The following HMCN2 variants were observed in gnomAD, a reference collection of about 807,000 sequenced individuals.
The protein encoded by HMCN2 is hemicentin-2.
In HMCN2, 325 loss-of-function variants were observed where a neutral mutation model predicts 377.5. The observed-to-expected ratio is 0.86, with a 90% CI of 0.79 to 0.94. The LOEUF (loss-of-function observed/expected upper bound fraction) is 0.94. Among genes scored for constraint, HMCN2 ranks in the 40% least tolerant of loss-of-function variants. The pLI is 0.00. For synonymous variants in HMCN2, 2,007 were observed against 2,046.8 expected (o/e 0.98, Z 0.53); for missense variants, 4,543 against 4,725.3 (o/e 0.96, Z 1.13).
At chr9:130,359,968 G>A (rs73670534) in intron 37 of HMCN2, among the ~76,000 whole-genome samples, 4,131 of 152,240 alleles carry the variant, frequency 0.027, 50 homozygotes, top group Middle Eastern at 0.065. Flanking sequence ...GCAGATACAC[G>A]CGGTCCAGCC....
chr9:130,430,679 GTCAC>G (rs201871995), intron 95 of HMCN2, 75 bp downstream of exon 95: 58,172 of 1,359,214 alleles, frequency 0.043, 1,600 homozygotes, highest in African/African-American at 0.13. Context: ...GTGTGCAGGT[GTCAC>G]CCACCGAGTT....
At chr9:130,334,276 T>C (rs1017724728) in intron 22 of HMCN2, among the ~76,000 whole-genome samples, 3 of 152,110 alleles carry the variant, frequency 2.0e-5, no homozygotes, top group African/African-American at 4.8e-5. Flanking sequence ...GCCATAGTAC[T>C]GTGCTTGGGT....
Position 130,433,550 on chromosome 9 carries a change from C to T in HMCN2, c.15097C>T (p.Pro5033Ser). Reference sequence around the variant, plus strand: ...CCCCCGCAGCCCCTTCGCGCTGCGTCCGCTGCGCGCGGGCCTTGGCGCGGT... The same window carrying T: ...CCCCCGCAGCCCCTTCGCGCTGCGTTCGCTGCGCGCGGGCCTTGGCGCGGT... The part of the protein sequence containing the change: ...PDPRSPFALR[P>S]LRAGLGAVYT... Residue 5033 changes from proline to serine, a missense_variant, in exon 98 of 98, where the codon CCG becomes TCG. Coordinates refer to ENST00000683500, the MANE Select transcript of HMCN2 (RefSeq NM_001291815.2). The T allele has an allele frequency of 6.8e-7, 1 of 1,469,916 alleles. No individual in the cohort carries two copies. The highest frequency in any genetic ancestry group is 2.7e-5 in the Admixed American group (1 of 37,652). The allele number at this position is 1,469,916 out of a possible 1,614,324, so 91.1% of individuals were successfully genotyped here. A position where few individuals can be genotyped will look rare whatever the true frequency, so the allele number is the denominator to read the frequency against.
intron 27 of HMCN2, 135 bp downstream of exon 27, chr9:130,348,810 C>A: frequency 8.1e-7 from 1 of 1,235,366 alleles, no homozygotes; most frequent in South Asian, 1.4e-5. Flanking sequence ...CTCTGGGGTT[C>A]ACGGCAGTGG....
chr9:130,406,026 C>A lies in HMCN2; in HGVS notation c.12411C>A (p.Leu4137=). 7.8e-7 allele frequency: 1 copy of A among 1,289,858 alleles called. No homozygotes were observed. The highest frequency in any genetic ancestry group is 1.2e-5 in the South Asian group (1 of 81,028). 79.9% of individuals were successfully genotyped at this position (1,289,858 alleles called of 1,614,324 possible). Residue 4137 remains leucine (L), a synonymous_variant, in exon 82 of 98, where the codon CTC becomes CTA. Coordinates refer to ENST00000683500, the MANE Select transcript of HMCN2 (RefSeq NM_001291815.2). ...AVGRARRRVH[L]TILVLPVFTT... ...GCCGGGCCCGCCGCCGCGTGCACCTCACCATCCTGGTACTGCCTGTGTTCA... is the reference window on the plus strand; with the variant it reads ...GCCGGGCCCGCCGCCGCGTGCACCTAACCATCCTGGTACTGCCTGTGTTCA...
chr9:130,425,443 T>C (rs1372696256), intron 89 of HMCN2, among the ~76,000 whole-genome samples: 1 of 150,358 alleles, frequency 6.7e-6, no homozygotes, highest in African/African-American at 2.5e-5. Context: ...GCTCACCCCA[T>C]CTCCTCCCAA....
intron 4 of HMCN2, among the ~76,000 whole-genome samples, chr9:130,289,070 G>A (rs1564750542): frequency 6.6e-6 from 1 of 152,206 alleles, no homozygotes; most frequent in African/African-American, 2.4e-5. Flanking sequence ...TGGTGGGGGT[G>A]GGGCCAGCAG....
At chr9:130,344,161 G>A (rs970859592) in intron 25 of HMCN2, among the ~76,000 whole-genome samples, 3 of 152,312 alleles carry the variant, frequency 2.0e-5, no homozygotes, top group East Asian at 1.9e-4. Context: ...CACCCCTCCC[G>A]ACCTGCAGCT....
At chr9:130,355,647 G>A in intron 32 of HMCN2, 99 bp from the exon 33 acceptor site, 1 of 615,638 alleles carries the variant, frequency 1.6e-6, no homozygotes, top group Non-Finnish European at 2.7e-6. Flanking sequence ...TGAGGGTGAG[G>A]TGCAGCTGGG....
intron 1 of HMCN2, among the ~76,000 whole-genome samples, chr9:130,268,822 T>C: frequency 6.8e-6 from 1 of 147,356 alleles, no homozygotes; most frequent in Admixed American, 6.8e-5. Context: ...AGCGGGAAAG[T>C]GGGGAAGGGC....
chr9:130,296,572 C>A, intron 6 of HMCN2, 102 bp from the exon 7 acceptor site: 1 of 409,462 alleles, frequency 2.4e-6, no homozygotes, highest in Non-Finnish European at 5.1e-6. Flanking sequence ...CAGGAGGATT[C>A]CAGCTGCTGA....
intron 8 of HMCN2, among the ~76,000 whole-genome samples, chr9:130,301,373 G>C (rs1836499775): frequency 6.6e-6 from 1 of 152,230 alleles, no homozygotes; most frequent in Non-Finnish European, 1.5e-5. Flanking sequence ...TCTGGCTTTT[G>C]TTCTCTATCT....
intron 1 of HMCN2, among the ~76,000 whole-genome samples, chr9:130,274,633 A>G (rs1834582509): frequency 6.6e-6 from 1 of 152,232 alleles, no homozygotes; most frequent in Non-Finnish European, 1.5e-5. Context: ...ACTACTCTCA[A>G]GAGGTGAAAA....
At chr9:130,364,428 A>G (rs183688688) in intron 40 of HMCN2, among the ~76,000 whole-genome samples, 23 of 152,388 alleles carry the variant, frequency 1.5e-4, no homozygotes, top group Admixed American at 8.5e-4. Flanking sequence ...AAGTTTTGAG[A>G]TAACTGTGGA....
At chr9:130,380,152 T>C (rs7040188) in intron 54 of HMCN2, among the ~76,000 whole-genome samples, 113,693 of 152,256 alleles carry the variant, frequency 0.75, 44,122 homozygotes, top group East Asian at 0.87. Context: ...CATGCTGGGA[T>C]TATAGGCGTG....
At chr9:130,267,705 G>C (rs538598564) in intron 1 of HMCN2, among the ~76,000 whole-genome samples, 16 of 152,354 alleles carry the variant, frequency 1.1e-4, no homozygotes, top group African/African-American at 3.1e-4. Context: ...TCTGCTTCCA[G>C]GAGTTCTGGG....
At chr9:130,317,555 T>G (rs1837629101) in intron 15 of HMCN2, among the ~76,000 whole-genome samples, 1 of 148,778 alleles carries the variant, frequency 6.7e-6, no homozygotes. Flanking sequence ...AGTGCAGTGG[T>G]GCTATCTCGG....
intron 82 of HMCN2, chr9:130,406,416 C>A: frequency 2.9e-6 from 1 of 345,068 alleles, no homozygotes; most frequent in African/African-American, 2.1e-5. Flanking sequence ...GACCTCAGGG[C>A]CAGGAAGGGG....
In HMCN2 at chr9:130,309,905, G is replaced by T. The variant is rs782776843; in HGVS notation, c.2201-7G>T. 2.3e-5 allele frequency: 11 copies of T among 484,118 alleles called. No individual in the cohort carries two copies. Among genetic ancestry groups the T allele is most frequent in the African/African-American group, 1.8e-4 (9 of 50,444 alleles). The allele number at this position is 484,118 out of a possible 1,614,324, so 30.0% of individuals were successfully genotyped here. A position where few individuals can be genotyped will look rare whatever the true frequency, so the allele number is the denominator to read the frequency against. On this transcript the variant is annotated splice_region_variant and splice_polypyrimidine_tract_variant and intron_variant, in intron 14 of 97. Coordinates refer to ENST00000683500, the MANE Select transcript of HMCN2 (RefSeq NM_001291815.2). ...ACCGGCCTGATGCTTCTTCCTCTTTGGTCCAGGGGGTCTTGAAATGATCCT... is the reference window on the plus strand; with the variant it reads ...ACCGGCCTGATGCTTCTTCCTCTTTTGTCCAGGGGGTCTTGAAATGATCCT...
Sources: allele counts gnomAD v4.1 joint callset (sites outside exome capture counted in the v4.1 genomes callset), GRCh38; gene constraint gnomAD v4.1.1; transcripts MANE v1.5; gene names NCBI Gene and HGNC (gene_info 2026-07-23, HGNC 2026-07-21).